AUTS2: variants seen among roughly 807,000 people sequenced by gnomAD.
AUTS2 encodes autism susceptibility gene 2 protein.
In AUTS2, 17 loss-of-function variants were observed where a neutral mutation model predicts 112.4. That is an observed-to-expected ratio of 0.15 (90% confidence interval 0.10 to 0.23). The LOEUF is 0.23. Among genes scored for constraint, AUTS2 ranks in the 10% least tolerant of loss-of-function variants. The pLI is 1.00. For synonymous variants in AUTS2, 751 were observed against 702.7 expected (o/e 1.07, Z -1.09); for missense variants, 1,510 against 1,701.6 (o/e 0.89, Z 1.98).
chr7:70,406,466 G>GC (rs1393756586), intron 4 of AUTS2, among the ~76,000 whole-genome samples: 5 of 152,178 alleles, frequency 3.3e-5, no homozygotes, highest in African/African-American at 1.2e-4. Context: ...ACAGAGAGCT[G>GC]CCCCGCGGCA....
At chr7:70,491,508 T>TTA (rs1030088600) in intron 5 of AUTS2, among the ~76,000 whole-genome samples, 2 of 135,724 alleles carry the variant, frequency 1.5e-5, no homozygotes, top group African/African-American at 5.8e-5. Context: ...AATATATATG[T>TTA]TATATATATA....
At chr7:70,110,925 G>A (rs899153798) in intron 2 of AUTS2, among the ~76,000 whole-genome samples, 7 of 134,476 alleles carry the variant, frequency 5.2e-5, no homozygotes, top group South Asian at 4.8e-4. Flanking sequence ...AGGCTGGAGC[G>A]CAGTGGCGCG....
At chr7:70,420,021 AG>A (rs1471017005) in intron 4 of AUTS2, among the ~76,000 whole-genome samples, 7 of 152,186 alleles carry the variant, frequency 4.6e-5, no homozygotes, top group Admixed American at 4.6e-4. Flanking sequence ...GAGGAGTTGC[AG>A]GGGAGAGAAT....
At chr7:70,154,936 T>C (rs1392067750) in intron 4 of AUTS2, among the ~76,000 whole-genome samples, 1 of 152,188 alleles carries the variant, frequency 6.6e-6, no homozygotes, top group East Asian at 1.9e-4. Context: ...ACTGATGGGT[T>C]AGTTGTAGGA....
At chr7:69,909,010 C>T (rs907789514) in intron 2 of AUTS2, among the ~76,000 whole-genome samples, 6 of 152,076 alleles carry the variant, frequency 3.9e-5, no homozygotes, top group Admixed American at 3.9e-4. Flanking sequence ...TCAGTGACTC[C>T]AGTACAGGTG....
intron 1 of AUTS2, among the ~76,000 whole-genome samples, chr7:69,635,138 CTTAAAA>C (rs1794456810): frequency 6.6e-6 from 1 of 152,024 alleles, no homozygotes; most frequent in African/African-American, 2.4e-5. Context: ...AGTCTGAGTT[CTTAAAA>C]TTAAGGTCAG....
chr7:70,174,376 C>A (rs999016229), intron 4 of AUTS2, among the ~76,000 whole-genome samples: 3 of 152,216 alleles, frequency 2.0e-5, no homozygotes, highest in Non-Finnish European at 4.4e-5. Flanking sequence ...GGAACTATCT[C>A]TAGAACAGAA....
chr7:70,460,433 C>G (rs1215514903), intron 5 of AUTS2, among the ~76,000 whole-genome samples: 1 of 143,204 alleles, frequency 7.0e-6, no homozygotes, highest in Admixed American at 7.5e-5. Context: ...TCACTGCAAG[C>G]TCCACTTCCC....
At chr7:70,271,384 T>C (rs1245228423) in intron 4 of AUTS2, among the ~76,000 whole-genome samples, 2 of 152,150 alleles carry the variant, frequency 1.3e-5, no homozygotes, top group Non-Finnish European at 2.9e-5. Context: ...GAATTGCTTG[T>C]CTTTATCAGC....
intron 6 of AUTS2, among the ~76,000 whole-genome samples, chr7:70,724,443 CT>C (rs71077675): frequency 0.079 from 8,036 of 101,162 alleles, 183 homozygotes; most frequent in African/African-American, 0.092. Flanking sequence ...TTCATCCTGA[CT>C]TTTTTTTTTT....
intron 3 of AUTS2, among the ~76,000 whole-genome samples, chr7:70,133,293 A>G (rs114814675): frequency 6.8e-4 from 103 of 152,318 alleles, no homozygotes; most frequent in African/African-American, 2.0e-3. Context: ...AAGAGTCACC[A>G]TCTGCTGTAT....
chr7:69,931,020 G>A (rs1257312756), intron 2 of AUTS2, among the ~76,000 whole-genome samples: 1 of 152,072 alleles, frequency 6.6e-6, no homozygotes, highest in African/African-American at 2.4e-5. Context: ...TTCAGGATGA[G>A]TATATTTGTT....
intron 5 of AUTS2, among the ~76,000 whole-genome samples, chr7:70,662,418 T>C (rs1563110456): frequency 6.6e-6 from 1 of 152,158 alleles, no homozygotes; most frequent in East Asian, 1.9e-4. Flanking sequence ...TGGGAAACAG[T>C]CCTCATTTCC....
chr7:70,779,303 C>T (rs2049635), intron 14 of AUTS2, among the ~76,000 whole-genome samples: 7,815 of 152,274 alleles, frequency 0.051, 273 homozygotes, highest in Middle Eastern at 0.15. Context: ...CGTTCATTTA[C>T]GCATTCTTTT....
At chr7:70,746,281 G>A (rs540628412) in intron 6 of AUTS2, among the ~76,000 whole-genome samples, 2 of 152,206 alleles carry the variant, frequency 1.3e-5, no homozygotes, top group East Asian at 3.9e-4. Context: ...GAGTAGCTGG[G>A]ATTACAGGTG....
chr7:70,154,886 T>TA (rs998778387), intron 4 of AUTS2, among the ~76,000 whole-genome samples: 8 of 152,312 alleles, frequency 5.3e-5, no homozygotes, highest in African/African-American at 1.9e-4. Context: ...ATATAATTGA[T>TA]ACTTGCTTTC....
intron 2 of AUTS2, among the ~76,000 whole-genome samples, chr7:69,942,720 A>G (rs1438519955): frequency 1.3e-5 from 2 of 152,244 alleles, no homozygotes; most frequent in South Asian, 2.1e-4. Flanking sequence ...CAAGTATAGC[A>G]TATTTCAACT....
At chr7:70,260,452 G>A (rs1390562430) in intron 4 of AUTS2, among the ~76,000 whole-genome samples, 1 of 151,906 alleles carries the variant, frequency 6.6e-6, no homozygotes, top group Non-Finnish European at 1.5e-5. Context: ...AAGGTAGAGG[G>A]GCTGGGGCTG....
intron 4 of AUTS2, among the ~76,000 whole-genome samples, chr7:70,430,555 A>G (rs1410705723): frequency 6.6e-6 from 1 of 152,154 alleles, no homozygotes; most frequent in East Asian, 1.9e-4. Flanking sequence ...CAGCATATAC[A>G]TGGTAGAAAG....
Sources: gnomAD v4.1 joint callset for allele counts (sites outside exome capture counted in the v4.1 genomes callset) on GRCh38, gnomAD v4.1.1 for gene constraint, MANE v1.5 for transcripts, NCBI Gene and HGNC (gene_info 2026-07-23, HGNC 2026-07-21) for gene names.